The following KCNT2 variants were observed in gnomAD, a reference collection of about 807,000 sequenced individuals.
KCNT2 encodes the protein potassium channel subfamily T member 2.
A neutral mutation model predicts 153.8 loss-of-function variants in KCNT2; 67 were observed. The ratio of observed to expected loss-of-function variants is 0.44; its 90% CI spans 0.36 to 0.53. The LOEUF (loss-of-function observed/expected upper bound fraction) is 0.53, where lower values mean the gene tolerates loss of function less well. KCNT2 is among the 20% of genes least tolerant of loss of function. The pLI is 0.00. For synonymous variants in KCNT2, 500 were observed against 458.8 expected (o/e 1.09, Z -1.15); for missense variants, 975 against 1,354.8 (o/e 0.72, Z 4.40).
intron 12 of KCNT2, among the ~76,000 whole-genome samples, chr1:196,411,446 T>TTAA (rs747491962): frequency 1.0e-4 from 10 of 96,322 alleles, no homozygotes; most frequent in African/African-American, 3.7e-4. Context: ...CTATTCCAGT[T>TTAA]AAAAAAAAAA....
intron 1 of KCNT2, among the ~76,000 whole-genome samples, chr1:196,598,603 T>C (rs36042024): frequency 0.016 from 2,371 of 152,326 alleles, 16 homozygotes; most frequent in Non-Finnish European, 0.024. Context: ...TTTAAATTTG[T>C]TTGAATTTTG....
At chr1:196,423,184 C>A in intron 11 of KCNT2, 71 bp from the exon 12 acceptor site, 1 of 1,004,022 alleles carries the variant, frequency 1.0e-6, no homozygotes, top group South Asian at 1.4e-5. Flanking sequence ...AATAGAATTT[C>A]AGTCTTGAGT....
intron 26 of KCNT2, among the ~76,000 whole-genome samples, chr1:196,249,790 T>C (rs1320585758): frequency 6.6e-6 from 1 of 150,628 alleles, no homozygotes; most frequent in Non-Finnish European, 1.5e-5. Context: ...AAAAAAAAAG[T>C]TAGTATTTTT....
At chr1:196,284,248 A>AAAAAAAAAAAAATATATATATATATATAT in intron 23 of KCNT2, among the ~76,000 whole-genome samples, 2 of 10,046 alleles carry the variant, frequency 2.0e-4, no homozygotes, top group Admixed American at 2.9e-3. Context: ...AAAAAAAAAA[A>AAAAAAAAAAAAATATATATATATATATAT]ATATATATAT....
intron 25 of KCNT2, among the ~76,000 whole-genome samples, chr1:196,265,080 T>C (rs1438823650): frequency 6.6e-6 from 1 of 152,136 alleles, no homozygotes; most frequent in African/African-American, 2.4e-5. Context: ...AATACCCTCT[T>C]AGTGCAGGTG....
intron 14 of KCNT2, among the ~76,000 whole-genome samples, chr1:196,360,566 C>A (rs1030497554): frequency 6.6e-6 from 1 of 152,034 alleles, no homozygotes; most frequent in Non-Finnish European, 1.5e-5. Flanking sequence ...TGGAAATGGG[C>A]TCTTTGAGAT....
At chr1:196,263,954 G>A (rs577684859) in intron 25 of KCNT2, among the ~76,000 whole-genome samples, 1 of 152,048 alleles carries the variant, frequency 6.6e-6, no homozygotes, top group Non-Finnish European at 1.5e-5. Context: ...GTATATGTGT[G>A]TGTGTGTTTA....
intron 12 of KCNT2, among the ~76,000 whole-genome samples, chr1:196,419,490 A>G (rs895505851): frequency 5.3e-5 from 8 of 151,398 alleles, no homozygotes; most frequent in Non-Finnish European, 1.2e-4. Context: ...AGCTGCATCC[A>G]TGTCCCTACA....
intron 12 of KCNT2, among the ~76,000 whole-genome samples, chr1:196,409,537 A>T (rs1182580067): frequency 1.3e-5 from 2 of 151,634 alleles, no homozygotes; most frequent in East Asian, 3.9e-4. Context: ...TTCAAATTAT[A>T]TATATTTACC....
intron 1 of KCNT2, among the ~76,000 whole-genome samples, chr1:196,604,978 A>T (rs1665152347): frequency 6.6e-6 from 1 of 152,174 alleles, no homozygotes; most frequent in Non-Finnish European, 1.5e-5. Flanking sequence ...TGGAATACAC[A>T]TTTCCTACAC....
intron 14 of KCNT2, among the ~76,000 whole-genome samples, chr1:196,346,146 C>CA (rs1165125820): frequency 7.2e-5 from 11 of 151,854 alleles, no homozygotes; most frequent in South Asian, 2.1e-4. Context: ...CACAAAAAGG[C>CA]AAAAAAACTC....
intron 8 of KCNT2, among the ~76,000 whole-genome samples, chr1:196,441,212 T>A (rs530153460): frequency 3.9e-5 from 6 of 151,930 alleles, no homozygotes; most frequent in South Asian, 2.1e-4. Context: ...TAAACACCTA[T>A]GAAACATCTT....
chr1:196,423,366 T>C (rs1420477761), intron 11 of KCNT2, among the ~76,000 whole-genome samples: 1 of 151,914 alleles, frequency 6.6e-6, no homozygotes, highest in Admixed American at 6.6e-5. Context: ...AGCCAAATGT[T>C]ATTTCTTTGT....
intron 14 of KCNT2, among the ~76,000 whole-genome samples, chr1:196,348,721 T>C (rs1055401839): frequency 6.6e-6 from 1 of 152,052 alleles, no homozygotes; most frequent in African/African-American, 2.4e-5. Flanking sequence ...GAACAGTATA[T>C]GTTTAATATT....
intron 14 of KCNT2, among the ~76,000 whole-genome samples, chr1:196,367,804 T>C (rs1204571396): frequency 6.6e-6 from 1 of 152,160 alleles, no homozygotes; most frequent in African/African-American, 2.4e-5. Context: ...TCTGGAAACA[T>C]GTGACAGGGC....
At chr1:196,364,150 A>G (rs1667851328) in intron 14 of KCNT2, among the ~76,000 whole-genome samples, 2 of 152,108 alleles carry the variant, frequency 1.3e-5, no homozygotes, top group South Asian at 4.1e-4. Flanking sequence ...ATCAGTGTTA[A>G]CCCCTTCTTT....
At chr1:196,312,888 G>C (rs140235314) in intron 21 of KCNT2, among the ~76,000 whole-genome samples, 3 of 151,800 alleles carry the variant, frequency 2.0e-5, no homozygotes, top group Non-Finnish European at 4.4e-5. Flanking sequence ...TGGATTTCTA[G>C]TTGTCTGATG....
intron 25 of KCNT2, among the ~76,000 whole-genome samples, chr1:196,266,290 C>T (rs1262002298): frequency 6.6e-6 from 1 of 152,006 alleles, no homozygotes; most frequent in Non-Finnish European, 1.5e-5. Flanking sequence ...ACTGGAGATG[C>T]CACTAAATTT....
rs577885731 is a variant in KCNT2 at position 196,390,907 on chromosome 1, T to A, written c.1294+7656A>T. 2.3e-3 allele frequency among the ~76,000 whole-genome samples: 339 copies of A among 148,208 alleles called. 1 individual carries two copies. The highest frequency in any genetic ancestry group is 7.7e-3 in the African/African-American group (308 of 40,156). On this transcript the variant is annotated intron_variant, in intron 13 of 27. Coordinates refer to ENST00000294725, the MANE Select transcript of KCNT2 (RefSeq NM_198503.5). ...CATTCATTCTTTTTTTTTTTTTTTT[T>A]TAAAAAAAAACATATGTTAGGAGAC... is the stretch of plus-strand genomic sequence containing the variant.
Sources: gnomAD v4.1 joint callset for allele counts (sites outside exome capture counted in the v4.1 genomes callset) on GRCh38, gnomAD v4.1.1 for gene constraint, MANE v1.5 for transcripts, NCBI Gene and HGNC (gene_info 2026-07-23, HGNC 2026-07-21) for gene names.